ZNF571: variants seen among roughly 807,000 people sequenced by gnomAD.
The protein encoded by ZNF571 is zinc finger protein 571.
Under a neutral mutation model 7.7 loss-of-function variants are expected in ZNF571, and 4 were observed. The observed-to-expected ratio is 0.52, with a 90% CI of 0.25 to 1.18. ZNF571 has a LOEUF of 1.18. Among genes scored for constraint, ZNF571 ranks in the 50% most tolerant of loss-of-function variants. The pLI is 0.14. For synonymous variants in ZNF571, 251 were observed against 232.4 expected (o/e 1.08, Z -0.73); for missense variants, 704 against 726.9 (o/e 0.97, Z 0.36).
At chr19:37,579,078 C>G (rs2043352497) in intron 3 of ZNF571, among the ~76,000 whole-genome samples, 2 of 152,240 alleles carry the variant, frequency 1.3e-5, no homozygotes, top group South Asian at 4.1e-4. Context: ...CAGAGCCCTT[C>G]TGAAAATCCA....
intron 3 of ZNF571, among the ~76,000 whole-genome samples, chr19:37,572,471 C>A (rs755054641): frequency 6.6e-6 from 1 of 152,186 alleles, no homozygotes; most frequent in Admixed American, 6.5e-5. Context: ...TTGCCATTAT[C>A]CAAATAGGAT....
intron 2 of ZNF571, chr19:37,585,307 C>T (rs1290128500): frequency 6.6e-6 from 1 of 152,170 alleles, no homozygotes; most frequent in East Asian, 1.9e-4. Context: ...AGCTTGCTTG[C>T]TTAAATATAA....
intron 3 of ZNF571, among the ~76,000 whole-genome samples, chr19:37,576,357 G>C (rs1215468814): frequency 6.6e-6 from 1 of 152,012 alleles, no homozygotes; most frequent in Non-Finnish European, 1.5e-5. Flanking sequence ...TTCATTTTTA[G>C]TAACACTTGC....
rs138387764 is a variant in ZNF571 at position 37,564,715 on chromosome 19, T to C, written c.1713A>G (p.Ser571=). ...KECGRAFSRG[S]ELTLHQRIHT... ...GGATCCTTTGATGCAGAGTAAGTTC[T>C]GAGCCACGACTAAAGGCCCTCCCAC... Residue 571 remains serine, a synonymous_variant, in exon 4 of 4, where the codon TCA becomes TCG. Transcript: ENST00000451802. 7 of 1,613,638 alleles carry C rather than the reference T, an allele frequency of 4.3e-6. No homozygotes were observed. In the Admixed American group the frequency reaches 8.3e-5, roughly 19 times the overall value.
rs753333724 is a variant in ZNF571, at chr19:37,565,589, T to TC, written c.838dup (p.Glu280GlyfsTer3). The TC allele has an allele frequency of 8.7e-6, 14 of 1,613,470 alleles. No individual in the cohort carries two copies. The East Asian group carries it at 2.9e-4, about 33-fold the overall frequency. Reference sequence around the variant, plus strand: ...AAAGGCCTTCCCACAATCCTTACATTCATAGGGTTTTTCACCACTATGAAT... The same window carrying TC: ...AAAGGCCTTCCCACAATCCTTACATTCCATAGGGTTTTTCACCACTATGAAT... On this transcript the variant is annotated frameshift_variant, in exon 4 of 4. Coordinates refer to ENST00000451802, the MANE Select transcript of ZNF571 (RefSeq NM_016536.5). LOFTEE classifies it low-confidence loss of function (END_TRUNC).
chr19:37,593,927 G>A (rs1390998355), intron 1 of ZNF571, among the ~76,000 whole-genome samples: 3 of 152,084 alleles, frequency 2.0e-5, no homozygotes, highest in South Asian at 4.2e-4. Flanking sequence ...AGAAATTTGA[G>A]GTTAGAAAGA....
intron 3 of ZNF571, among the ~76,000 whole-genome samples, chr19:37,580,085 T>C (rs2043397303): frequency 6.6e-6 from 1 of 152,206 alleles, no homozygotes; most frequent in Non-Finnish European, 1.5e-5. Flanking sequence ...CTGAATGTAT[T>C]TTACACTAGC....
chr19:37,567,234 A>T (rs2042892552), intron 3 of ZNF571, among the ~76,000 whole-genome samples: 1 of 152,248 alleles, frequency 6.6e-6, no homozygotes, highest in Admixed American at 6.5e-5. Context: ...TAATCAAAGC[A>T]AGGGCTTTGT....
Position 37,565,497 on chromosome 19 carries a change from C to A in ZNF571, c.931G>T (p.Glu311Ter). Residue 311 changes from glutamate to a stop codon, truncating the protein, a stop_gained, in exon 4 of 4, where the codon GAA (glutamate) becomes TAA (stop). Coordinates refer to ENST00000451802, the MANE Select transcript of ZNF571 (RefSeq NM_016536.5). LOFTEE classifies it low-confidence loss of function (END_TRUNC). ...HSGEKPYECK[E>*]CGKAFILGSH... ...CCAAGAATAAAGGCCTTTCCACATT[C>A]CTTACACTCATAAGGTTTCTCACCA... 6.2e-7 allele frequency: 1 copy of A among 1,613,658 alleles called. No individual in the cohort carries two copies. The highest frequency in any genetic ancestry group is 8.5e-7 in the Non-Finnish European group (1 of 1,179,844).
At chr19:37,592,507 AC>A (rs1345685059) in intron 1 of ZNF571, among the ~76,000 whole-genome samples, 1 of 152,136 alleles carries the variant, frequency 6.6e-6, no homozygotes, top group African/African-American at 2.4e-5. Context: ...CTTCTCAAAA[AC>A]CAAGTTTCAC....
intron 3 of ZNF571, among the ~76,000 whole-genome samples, chr19:37,570,981 TACTA>T (rs1211483995): frequency 6.6e-6 from 1 of 152,222 alleles, no homozygotes; most frequent in East Asian, 1.9e-4. Flanking sequence ...ATTTTAAATC[TACTA>T]ACAGTATATA....
At chr19:37,590,891 T>C (rs141114234) in intron 1 of ZNF571, among the ~76,000 whole-genome samples, 340 of 152,304 alleles carry the variant, frequency 2.2e-3, no homozygotes, top group Middle Eastern at 0.017. Context: ...TAAAATGCAT[T>C]CTCTATCTTA....
At chr19:37,579,971 A>G (rs1262949129) in intron 3 of ZNF571, among the ~76,000 whole-genome samples, 2 of 152,226 alleles carry the variant, frequency 1.3e-5, no homozygotes, top group African/African-American at 4.8e-5. Context: ...CTGGAAAAAA[A>G]AGAACCATTT....
At chr19:37,571,026 T>G (rs2043031328) in intron 3 of ZNF571, among the ~76,000 whole-genome samples, 1 of 152,194 alleles carries the variant, frequency 6.6e-6, no homozygotes, top group Non-Finnish European at 1.5e-5. Flanking sequence ...TGAGGAATAA[T>G]TATAACAAAT....
At chr19:37,578,420 A>G (rs1193433127) in intron 3 of ZNF571, among the ~76,000 whole-genome samples, 2 of 152,152 alleles carry the variant, frequency 1.3e-5, no homozygotes, top group Non-Finnish European at 2.9e-5. Context: ...TCCTGGGCAC[A>G]GGAGGAACCC....
chr19:37,590,277 C>T (rs1320417210), intron 1 of ZNF571, among the ~76,000 whole-genome samples: 2 of 151,778 alleles, frequency 1.3e-5, no homozygotes, highest in Admixed American at 6.6e-5. Flanking sequence ...ATTAGCTGGG[C>T]GTGGTGGTGG....
Position 37,565,418 on chromosome 19 carries a change from C to T in ZNF571, c.1010G>A (p.Cys337Tyr). 3.7e-6 allele frequency: 6 copies of T among 1,613,532 alleles called. No individual in the cohort carries two copies. Among genetic ancestry groups the T allele is most frequent in the Non-Finnish European group, 5.1e-6 (6 of 1,179,838 alleles). The change falls in exon 4 of 4, where the codon TGT (cysteine) becomes TAT (tyrosine). Residue 337 changes from cysteine (C) to tyrosine (Y), a missense_variant. Transcript: ENST00000451802. ...TAAAAAGGCTTTCCCACATTCTTTA[C>T]ATATGTAAGGCTTTTCACCAGTATG... ...RVHTGEKPYI[C>Y]KECGKAFLCA...
In ZNF571 at chr19:37,564,777, T is replaced by A. The variant is rs1258991098; in HGVS notation, c.1651A>T (p.Thr551Ser). 6.2e-7 allele frequency: 1 copy of A among 1,613,956 alleles called. No homozygotes were observed. The highest frequency in any genetic ancestry group is 8.5e-7 in the Non-Finnish European group (1 of 1,179,930). Residue 551 changes from threonine to serine, a missense_variant, in exon 4 of 4, where the codon ACT (threonine) becomes TCT (serine). Transcript: ENST00000451802. ...TCATAGGGTTTCTCTCCAGTATGAG[T>A]TCTCAGATGTTCAGTAAGGTGTGAG... The part of the protein sequence containing the change: ...RGSHLTEHLR[T>S]HTGEKPYECK...
chr19:37,586,565 C>G, intron 2 of ZNF571, 103 bp downstream of exon 2: 1 of 1,356,438 alleles, frequency 7.4e-7, no homozygotes, highest in Non-Finnish European at 1.0e-6. Context: ...GGAAGCAGTT[C>G]CCTTAAGGAA....
Sources: gnomAD v4.1 joint callset for allele counts (sites outside exome capture counted in the v4.1 genomes callset) on GRCh38, gnomAD v4.1.1 for gene constraint, MANE v1.5 for transcripts, NCBI Gene and HGNC (gene_info 2026-07-23, HGNC 2026-07-21) for gene names.